The following GM2A variants were observed in gnomAD, a reference collection of about 807,000 sequenced individuals.
GM2A encodes the protein GM2 ganglioside activator.
Under a neutral mutation model 12.9 loss-of-function variants are expected in GM2A, and 7 were observed. The observed-to-expected ratio is 0.54, with a 90% CI of 0.31 to 1.02. GM2A has a LOEUF of 1.02. GM2A is among the 50% of genes least tolerant of loss of function. The pLI is 0.05. For synonymous variants in GM2A, 101 were observed against 96.0 expected, an observed-to-expected ratio of 1.05 and a Z score of -0.30; for missense variants, 246 against 241.0, an observed-to-expected ratio of 1.02 and a Z score of -0.14.
rs182903268 is a variant in GM2A, at chr5:151,259,528, T to C, written c.82-227T>C. Reference sequence around the variant, plus strand: ...CTGCCTTATAGTTTACAATACACTTTTGGGAGATTATGTCTTTTGAGTCTT... The same window carrying C: ...CTGCCTTATAGTTTACAATACACTTCTGGGAGATTATGTCTTTTGAGTCTT... On this transcript the variant is annotated intron_variant, in intron 1 of 3. Transcript: ENST00000357164. Among the ~76,000 whole-genome samples the C allele has an allele frequency of 2.6e-5, 4 of 152,266 alleles. No individual in the cohort carries two copies. The East Asian group carries it at 7.7e-4, about 29-fold the overall frequency.
chr5:151,266,882 A>T lies in GM2A; in HGVS notation c.395A>T (p.Tyr132Phe), dbSNP rs762131629. The T allele has an allele frequency of 3.9e-5, 63 of 1,613,748 alleles. No homozygotes were observed. In the South Asian group the frequency reaches 6.5e-4, roughly 17 times the overall value. ...GEPCPEPLRT[Y>F]GLPCHCPFKE... Reference sequence around the variant, plus strand: ...CCCTGCCCAGAGCCCCTGCGTACCTATGGGCTTCCTTGCCACTGTCCCTTC... The same window carrying T: ...CCCTGCCCAGAGCCCCTGCGTACCTTTGGGCTTCCTTGCCACTGTCCCTTC... Residue 132 changes from tyrosine (Y) to phenylalanine (F), a missense_variant, in exon 3 of 4, where the codon TAT becomes TTT. Tyr to Phe is a conservative substitution (Grantham distance 22). Coordinates refer to ENST00000357164, the MANE Select transcript of GM2A (RefSeq NM_000405.5).
rs1343456811 is a variant in GM2A, at chr5:151,267,881, C to G, written c.*430C>G. 1 of 1,149,316 alleles carries G rather than the reference C, an allele frequency of 8.7e-7. No individual in the cohort carries two copies. The highest frequency in any genetic ancestry group is 1.6e-5 in the African/African-American group (1 of 61,902). The allele number at this position is 1,149,316 out of a possible 1,614,324, so 71.2% of individuals were successfully genotyped here. Reference sequence around the variant, plus strand: ...ATTAACGTTTTTGTTCTCCTCCGGCCCCCTGTTACAATGAAGGGGCAAAAG... The same window carrying G: ...ATTAACGTTTTTGTTCTCCTCCGGCGCCCTGTTACAATGAAGGGGCAAAAG... On this transcript the variant is annotated 3_prime_UTR_variant, in exon 4 of 4. Coordinates refer to ENST00000357164, the MANE Select transcript of GM2A (RefSeq NM_000405.5).
Position 151,270,143 on chromosome 5 carries a change from A to G in GM2A, c.*2692A>G, listed in dbSNP as rs1753981195. 1.6e-6 allele frequency: 2 copies of G among 1,225,862 alleles called. No homozygotes were observed. The highest frequency in any genetic ancestry group is 3.2e-5 in the East Asian group (1 of 31,360). 75.9% of individuals were successfully genotyped at this position (1,225,862 alleles called of 1,614,324 possible). ...TGAGGAGTTAAAGGTGGCATCTTCA[A>G]TCGCAGGTCAAAGCAGACTTTAATA... On this transcript the variant is annotated 3_prime_UTR_variant, in exon 4 of 4. Coordinates refer to ENST00000357164, the MANE Select transcript of GM2A (RefSeq NM_000405.5).
chr5:151,261,789 G>T (rs1296113552), intron 2 of GM2A, among the ~76,000 whole-genome samples: 2 of 151,804 alleles, frequency 1.3e-5, no homozygotes. Flanking sequence ...ATCCAGGCTG[G>T]TCTTGAACTC....
rs1238946405 is a variant in GM2A at position 151,269,447 on chromosome 5, T to G, written c.*1996T>G. The G allele has an allele frequency of 1.0e-6, 1 of 985,260 alleles. No homozygotes were observed. The highest frequency in any genetic ancestry group is 1.2e-6 in the Non-Finnish European group (1 of 829,928). 61.0% of individuals were successfully genotyped at this position (985,260 alleles called of 1,614,324 possible). ...GCCATCCAGCTCCCTTGTTTGCTATTTTGCTTTCCATCACATCATGACTGC... is the reference window on the plus strand; with the variant it reads ...GCCATCCAGCTCCCTTGTTTGCTATGTTGCTTTCCATCACATCATGACTGC... On this transcript the variant is annotated 3_prime_UTR_variant, in exon 4 of 4. Coordinates refer to ENST00000357164, the MANE Select transcript of GM2A (RefSeq NM_000405.5).
chr5:151,259,851 G>A lies in GM2A; in HGVS notation c.178G>A (p.Val60Ile), dbSNP rs201829650. ...SLTLEPDPII[V>I]PGNVTLSVMG... ...GACTCTGGAGCCTGACCCCATCATC[G>A]TTCCTGGAAATGTGACCCTCAGTGT... is the stretch of plus-strand genomic sequence containing the variant. The change falls in exon 2 of 4, where the codon GTT becomes ATT. Residue 60 changes from valine to isoleucine, a missense_variant. Physicochemically the swap from Val to Ile is conservative, Grantham distance 29. Coordinates refer to ENST00000357164, the MANE Select transcript of GM2A (RefSeq NM_000405.5). 2.3e-5 allele frequency: 37 copies of A among 1,613,400 alleles called. No individual in the cohort carries two copies. Among genetic ancestry groups the A allele is most frequent in the African/African-American group, 8.0e-5 (6 of 74,884 alleles).
At chr5:151,254,856 ATATT>A (rs1360598403) in intron 1 of GM2A, among the ~76,000 whole-genome samples, 1 of 152,360 alleles carries the variant, frequency 6.6e-6, no homozygotes, top group East Asian at 1.9e-4. Context: ...TTTCTACTGA[ATATT>A]TATCACTTAG....
In GM2A at chr5:151,267,381, A is replaced by T. The variant is rs1437585756; in HGVS notation, c.512A>T (p.Glu171Val). 1.2e-6 allele frequency: 2 copies of T among 1,613,970 alleles called. No homozygotes were observed. Among genetic ancestry groups the T allele is most frequent in the African/African-American group, 2.7e-5 (2 of 74,890 alleles). ...CTCACCACCGGGAACTACCGCATAGAGAGCGTCCTGAGCAGCAGTGGGAAG... is the reference window on the plus strand; with the variant it reads ...CTCACCACCGGGAACTACCGCATAGTGAGCGTCCTGAGCAGCAGTGGGAAG... Reference protein sequence around the residue: ...SWLTTGNYRIESVLSSSGKRL... With the variant: ...SWLTTGNYRIVSVLSSSGKRL... Residue 171 changes from glutamate (E) to valine (V), a missense_variant, in exon 4 of 4, where the codon GAG becomes GTG. Physicochemically the swap from Glu to Val is moderately radical, Grantham distance 121 (BLOSUM62 -2). Transcript: ENST00000357164.
chr5:151,267,297 G>A lies in GM2A; in HGVS notation c.428G>A (p.Gly143Glu), dbSNP rs757954770. The A allele has an allele frequency of 5.0e-6, 8 of 1,614,080 alleles. No individual in the cohort carries two copies. In the African/African-American group the frequency reaches 5.3e-5, roughly 11 times the overall value. The stretch of plus-strand genomic sequence containing the variant: ...GGCGGTCCACTGGCTTTCCCGCAGG[G>A]AACCTACTCACTGCCCAAGAGCGAA... ...GLPCHCPFKE[G>E]TYSLPKSEFV... Residue 143 changes from glycine (G) to glutamate (E), a missense_variant and splice_region_variant, in exon 4 of 4, where the codon GGA (glycine) becomes GAA (glutamate). Physicochemically the swap from Gly to Glu is moderately conservative, Grantham distance 98. Coordinates refer to ENST00000357164, the MANE Select transcript of GM2A (RefSeq NM_000405.5).
At chr5:151,259,633 C>T (rs902845100) in intron 1 of GM2A, 122 bp from the exon 2 acceptor site, 5 of 803,728 alleles carry the variant, frequency 6.2e-6, no homozygotes, top group African/African-American at 1.7e-5. Context: ...AGATGAGGCT[C>T]AGGGACGGGG....
At chr5:151,266,970 A>G in intron 3 of GM2A, 57 bp downstream of exon 3, 1 of 1,355,794 alleles carries the variant, frequency 7.4e-7, no homozygotes, top group Non-Finnish European at 1.1e-6. Flanking sequence ...TGGGGTTTGG[A>G]GAGAAGGGTC....
intron 2 of GM2A, among the ~76,000 whole-genome samples, chr5:151,264,619 A>G (rs1024819113): frequency 3.3e-5 from 5 of 152,204 alleles, no homozygotes; most frequent in African/African-American, 1.2e-4. Context: ...CACTGTGCAA[A>G]GTGCTGGTAT....
In GM2A at chr5:151,267,710, T is replaced by C. The variant is rs1162108344; in HGVS notation, c.*259T>C. The stretch of plus-strand genomic sequence containing the variant: ...GGGCTGACCACGTTACTCATCCCCG[T>C]TAACATTCTCTCTAAAGAGCCTCGT... On this transcript the variant is annotated 3_prime_UTR_variant, in exon 4 of 4. Transcript: ENST00000357164. 1 of 1,403,158 alleles carries C rather than the reference T, an allele frequency of 7.1e-7. No individual in the cohort carries two copies. The highest frequency in any genetic ancestry group is 1.4e-5 in the African/African-American group (1 of 69,762). The allele number at this position is 1,403,158 out of a possible 1,614,324, so 86.9% of individuals were successfully genotyped here.
Position 151,267,353 on chromosome 5 carries a change from TG to T in GM2A, c.486del (p.Trp162CysfsTer9), listed in dbSNP as rs1316210460. The T allele has an allele frequency of 6.2e-7, 1 of 1,614,018 alleles. No individual in the cohort carries two copies. The highest frequency in any genetic ancestry group is 8.5e-7 in the Non-Finnish European group (1 of 1,180,016). ...FVVPDLELPS[W>X]LTTGNYRIES... ...TGTGCCTGACCTGGAGCTGCCCAGT[TG>T]GCTCACCACCGGGAACTACCGCATA... On this transcript the variant is annotated frameshift_variant, in exon 4 of 4. Coordinates refer to ENST00000357164, the MANE Select transcript of GM2A (RefSeq NM_000405.5). LOFTEE classifies it low-confidence loss of function (END_TRUNC).
At position 151,269,332 on chromosome 5, in the gene GM2A, G is replaced by A. The variant is rs1753963484; in HGVS notation, c.*1881G>A. 38 of 985,500 alleles carry A rather than the reference G, an allele frequency of 3.9e-5. No homozygotes were observed. The highest frequency in any genetic ancestry group is 4.5e-5 in the Non-Finnish European group (37 of 829,994). 61.0% of individuals were successfully genotyped at this position (985,500 alleles called of 1,614,324 possible). ...GGGTGGGGCTCTTTTGGTTGGAAGG[G>A]TTTGTTGGAACGGTACAGGTGAGCC... On this transcript the variant is annotated 3_prime_UTR_variant, in exon 4 of 4. Transcript: ENST00000357164.
At chr5:151,258,965 C>T (rs1252444050) in intron 1 of GM2A, among the ~76,000 whole-genome samples, 1 of 152,028 alleles carries the variant, frequency 6.6e-6, no homozygotes, top group Non-Finnish European at 1.5e-5. Context: ...CAGACAGGGT[C>T]TGTTGGAGTG....
chr5:151,254,876 A>G (rs543841027), intron 1 of GM2A, among the ~76,000 whole-genome samples: 1 of 152,330 alleles, frequency 6.6e-6, no homozygotes, highest in East Asian at 1.9e-4. Context: ...CTTAGGCACG[A>G]TTGTAAAGTT....
chr5:151,266,947 G>C (rs1753899378), intron 3 of GM2A, 34 bp downstream of exon 3: 2 of 1,523,878 alleles, frequency 1.3e-6, no homozygotes, highest in South Asian at 2.2e-5. Flanking sequence ...CGTTACCCCT[G>C]TGGCTAAAGA....
intron 2 of GM2A, among the ~76,000 whole-genome samples, chr5:151,266,522 TCTGCC>T (rs1420627499): frequency 6.6e-6 from 1 of 152,084 alleles, no homozygotes; most frequent in Non-Finnish European, 1.5e-5. Context: ...ATTATTAATG[TCTGCC>T]ATGGGCACAA....
Sources: gnomAD v4.1 joint callset for allele counts (sites outside exome capture counted in the v4.1 genomes callset) on GRCh38, gnomAD v4.1.1 for gene constraint, MANE v1.5 for transcripts, NCBI Gene and HGNC (gene_info 2026-07-23, HGNC 2026-07-21) for gene names.